The following DAB1 variants were observed in gnomAD, a reference collection of about 807,000 sequenced individuals.
DAB1 encodes disabled homolog 1.
A neutral mutation model predicts 64.6 loss-of-function variants in DAB1; 15 were observed. The ratio of observed to expected loss-of-function variants is 0.23; its 90% confidence interval spans 0.16 to 0.36. The LOEUF (loss-of-function observed/expected upper bound fraction) is 0.36, where lower values mean the gene tolerates loss of function less well. Among genes scored for constraint, DAB1 ranks in the 10% least tolerant of loss-of-function variants. The pLI, the probability that DAB1 is intolerant of heterozygous loss-of-function variation, is 1.00. For missense variants in DAB1, 596 were observed against 706.7 expected (o/e 0.84, Z 1.78); for synonymous variants, 235 against 251.9 (o/e 0.93, Z 0.64).
At chr1:57,857,726 T>C (rs188869759) in intron 1 of DAB1, among the ~76,000 whole-genome samples, 5 of 152,132 alleles carry the variant, frequency 3.3e-5, no homozygotes, top group Admixed American at 2.6e-4. Flanking sequence ...TCAGGTACTA[T>C]GTTAGAGGTT....
chr1:58,361,068 A>G (rs1437817244), intron 3 of DAB1, among the ~76,000 whole-genome samples: 1 of 152,220 alleles, frequency 6.6e-6, no homozygotes, highest in African/African-American at 2.4e-5. Flanking sequence ...AATGCCCATG[A>G]ACCCAACCTC....
intron 4 of DAB1, among the ~76,000 whole-genome samples, chr1:57,097,657 C>T (rs1654288229): frequency 6.6e-6 from 1 of 152,180 alleles, no homozygotes. Flanking sequence ...TGAGGACTGT[C>T]ACCTAAACTA....
chr1:57,515,361 T>A (rs1644451805), intron 7 of DAB1, among the ~76,000 whole-genome samples: 1 of 152,210 alleles, frequency 6.6e-6, no homozygotes, highest in Admixed American at 6.5e-5. Flanking sequence ...TTTATTAGCT[T>A]ATTACCATCA....
intron 7 of DAB1, among the ~76,000 whole-genome samples, chr1:57,505,772 G>A (rs1644336433): frequency 6.6e-6 from 1 of 152,122 alleles, no homozygotes; most frequent in Non-Finnish European, 1.5e-5. Flanking sequence ...CTGGGCTCAG[G>A]CAAACCTTCC....
chr1:57,515,402 G>A (rs1644452181), intron 7 of DAB1, among the ~76,000 whole-genome samples: 1 of 152,198 alleles, frequency 6.6e-6, no homozygotes, highest in African/African-American at 2.4e-5. Context: ...CCAGAACCAA[G>A]AATACAGTTG....
At chr1:57,287,765 C>G (rs192615086) in intron 2 of DAB1, among the ~76,000 whole-genome samples, 5 of 118,814 alleles carry the variant, frequency 4.2e-5, no homozygotes, top group African/African-American at 1.7e-4. Flanking sequence ...GTTACCAGCA[C>G]GTTTTCTCTC....
chr1:57,864,070 G>A (rs1654184706), intron 1 of DAB1, among the ~76,000 whole-genome samples: 1 of 152,178 alleles, frequency 6.6e-6, no homozygotes, highest in Admixed American at 6.5e-5. Context: ...TGTGTGCTAG[G>A]ACGAAAAAGG....
At chr1:57,179,209 T>C (rs571944746) in intron 2 of DAB1, among the ~76,000 whole-genome samples, 3 of 152,300 alleles carry the variant, frequency 2.0e-5, no homozygotes, top group African/African-American at 7.2e-5. Flanking sequence ...TTTAATGATG[T>C]AGAGCTGCTC....
At chr1:57,886,586 ACT>A (rs1487063826), upstream of DAB1, among the ~76,000 whole-genome samples, 1 of 151,654 alleles carries the variant, frequency 6.6e-6, no homozygotes, top group Non-Finnish European at 1.5e-5. Context: ...CTCATTTAAC[ACT>A]CTCTGTAAGT....
chr1:58,534,599 GA>G (rs1437360754), intron 1 of DAB1, among the ~76,000 whole-genome samples: 1 of 152,072 alleles, frequency 6.6e-6, no homozygotes, highest in African/African-American at 2.4e-5. Flanking sequence ...AACTACAAAC[GA>G]ATACTTAAGT....
At chr1:57,664,282 A>C (rs4244012) in intron 6 of DAB1, among the ~76,000 whole-genome samples, 42,062 of 152,084 alleles carry the variant, frequency 0.28, 6,731 homozygotes, top group Non-Finnish European at 0.38. Context: ...CAAATAAGGG[A>C]TTTTTCAAAC....
At chr1:57,193,819 G>GA (rs1343391994) in intron 2 of DAB1, among the ~76,000 whole-genome samples, 3 of 147,646 alleles carry the variant, frequency 2.0e-5, no homozygotes, top group Non-Finnish European at 4.4e-5. Flanking sequence ...CATAGCATAA[G>GA]AACGTGGTCA....
At chr1:57,160,160 T>C (rs951482538) in intron 2 of DAB1, among the ~76,000 whole-genome samples, 1 of 152,228 alleles carries the variant, frequency 6.6e-6, no homozygotes, top group Non-Finnish European at 1.5e-5. Context: ...TTTTGGTATG[T>C]GTTGCCATTA....
intron 1 of DAB1, among the ~76,000 whole-genome samples, chr1:57,374,712 G>A (rs1162516260): frequency 6.6e-6 from 1 of 152,116 alleles, no homozygotes; most frequent in Non-Finnish European, 1.5e-5. Flanking sequence ...ACCCCTGGCT[G>A]CACACTACAA....
At chr1:58,026,058 C>T (rs1217057290) in intron 5 of DAB1, among the ~76,000 whole-genome samples, 2 of 152,078 alleles carry the variant, frequency 1.3e-5, no homozygotes, top group Non-Finnish European at 2.9e-5. Flanking sequence ...CTTTATATCA[C>T]AGCCATTTGT....
chr1:57,023,743 C>T (rs2100380558), intron 10 of DAB1, 104 bp from the exon 11 acceptor site: 1 of 721,920 alleles, frequency 1.4e-6, no homozygotes, highest in South Asian at 1.6e-5. Flanking sequence ...AAGGGGTCCA[C>T]AGTTCAAGCC....
At chr1:57,513,745 A>G (rs551031708) in intron 7 of DAB1, among the ~76,000 whole-genome samples, 1 of 152,306 alleles carries the variant, frequency 6.6e-6, no homozygotes, top group East Asian at 1.9e-4. Context: ...GTATGTTGTT[A>G]TTAACTACAG....
At chr1:57,458,487 A>G (rs1229580408) in intron 7 of DAB1, among the ~76,000 whole-genome samples, 1 of 152,092 alleles carries the variant, frequency 6.6e-6, no homozygotes, top group African/African-American at 2.4e-5. Context: ...GAGAAAAAAA[A>G]AAAATCGTGA....
chr1:58,154,231 A>T lies in DAB1; in HGVS notation n.310-3643T>A, dbSNP rs1655096287. On this transcript the variant is annotated intron_variant and non_coding_transcript_variant, in intron 4 of 20. Transcript: ENST00000485760. ...GTAAGAAACTCCTTTGTACCCAAAA[A>T]CCCCTATCTGGAGGAGCTTAATATC... 2.6e-5 allele frequency among the ~76,000 whole-genome samples: 4 copies of T among 151,922 alleles called. No homozygotes were observed. In the South Asian group the frequency reaches 8.3e-4, roughly 32 times the overall value.
Sources: gnomAD v4.1 joint callset for allele counts (sites outside exome capture counted in the v4.1 genomes callset) on GRCh38, gnomAD v4.1.1 for gene constraint, MANE v1.5 for transcripts, NCBI Gene and HGNC (gene_info 2026-07-23, HGNC 2026-07-21) for gene names.